Variants in PHF2 observed in about 807,000 individuals in gnomAD.
The protein encoded by PHF2 is lysine-specific demethylase PHF2.
A neutral mutation model predicts 120.5 loss-of-function variants in PHF2; 27 were observed. The observed-to-expected ratio is 0.22, with a 90% CI of 0.17 to 0.31. The LOEUF is 0.31. Ranked by LOEUF, PHF2 falls within the 10% of genes least tolerant of loss-of-function variation. The pLI is 1.00. For missense variants in PHF2, 1,024 were observed against 1,434.8 expected (o/e 0.71, Z 4.63); for synonymous variants, 568 against 592.5 (o/e 0.96, Z 0.60).
chr9:93,633,466 C>T (rs967462373), intron 2 of PHF2, among the ~76,000 whole-genome samples: 7 of 152,202 alleles, frequency 4.6e-5, no homozygotes, highest in East Asian at 1.9e-4. Flanking sequence ...TTCCTCATCC[C>T]GCCCTGCCCT....
chr9:93,626,541 T>A (rs1825918074), intron 1 of PHF2, among the ~76,000 whole-genome samples: 1 of 152,236 alleles, frequency 6.6e-6, no homozygotes. Flanking sequence ...GCCTTCTTAC[T>A]CTGTTGATAG....
intron 20 of PHF2, 100 bp downstream of exon 20, chr9:93,675,889 A>G: frequency 1.3e-6 from 1 of 790,598 alleles, no homozygotes; most frequent in Admixed American, 2.2e-5. Flanking sequence ...CCCCATACAC[A>G]GACCCACTGA....
intron 1 of PHF2, among the ~76,000 whole-genome samples, chr9:93,581,434 A>C (rs1224746315): frequency 6.6e-6 from 1 of 152,188 alleles, no homozygotes; most frequent in Non-Finnish European, 1.5e-5. Context: ...GGCTCTCCTC[A>C]TGGAGATGTT....
At chr9:93,583,960 C>G (rs1862983081) in intron 1 of PHF2, among the ~76,000 whole-genome samples, 1 of 151,880 alleles carries the variant, frequency 6.6e-6, no homozygotes, top group East Asian at 1.9e-4. Flanking sequence ...TCCTGAGTAG[C>G]TGGGATTACA....
chr9:93,660,261 C>G lies in PHF2; in HGVS notation c.1399C>G (p.Arg467Gly), dbSNP rs148936210. The G allele has an allele frequency of 1.9e-6, 3 of 1,608,060 alleles. No individual in the cohort carries two copies. The highest frequency in any genetic ancestry group is 2.7e-5 in the African/African-American group (2 of 74,404). ...GTCAGATGAGGTGTGTGACGGGGACCGGGAGAAGGAGGAGCCCCCGTCTCC... is the reference window on the plus strand; with the variant it reads ...GTCAGATGAGGTGTGTGACGGGGACGGGGAGAAGGAGGAGCCCCCGTCTCC... ...ASSDEVCDGD[R>G]EKEEPPSPIE... Residue 467 changes from arginine (R) to glycine (G), a missense_variant, in exon 12 of 22, where the codon CGG (arginine) becomes GGG (glycine). Physicochemically the swap from Arg to Gly is moderately radical, Grantham distance 125. Around this residue, in one of 2 missense-constraint regions of PHF2, gnomAD observed 677 missense variants for 857.4 expected, o/e 0.79. Coordinates refer to ENST00000359246, the MANE Select transcript of PHF2 (RefSeq NM_005392.4).
At chr9:93,670,845 C>A (rs1278906302) in intron 17 of PHF2, among the ~76,000 whole-genome samples, 2 of 152,048 alleles carry the variant, frequency 1.3e-5, no homozygotes, top group East Asian at 1.9e-4. Context: ...GATGCGGATG[C>A]GAGACAGGCT....
rs144518973 is a variant in PHF2, at chr9:93,633,550, C to T, written c.185-2861C>T. ...TCACAGGGGCGCTGTCCTCATGCTC[C>T]GCATGTGGCTCTGGGATAGGGCGCC... On this transcript the variant is annotated intron_variant, in intron 2 of 21. Coordinates refer to ENST00000359246, the MANE Select transcript of PHF2 (RefSeq NM_005392.4). Among the ~76,000 whole-genome samples the T allele has an allele frequency of 1.9e-4, 29 of 152,340 alleles. No individual in the cohort carries two copies. In the East Asian group the frequency reaches 3.3e-3, roughly 17 times the overall value.
intron 1 of PHF2, among the ~76,000 whole-genome samples, chr9:93,614,890 ATGG>A (rs1564381633): frequency 2.9e-5 from 4 of 138,498 alleles, no homozygotes; most frequent in Non-Finnish European, 4.8e-5. Flanking sequence ...GGTGATGGTG[ATGG>A]TAATGATGGT....
chr9:93,618,390 C>T (rs577201491), intron 1 of PHF2, among the ~76,000 whole-genome samples: 7 of 152,382 alleles, frequency 4.6e-5, no homozygotes, highest in East Asian at 3.9e-4. Context: ...GACACGCATA[C>T]GCATGCATAC....
At position 93,663,029 on chromosome 9, in the gene PHF2, G is replaced by T; in HGVS notation, c.1818+3G>T. The T allele has an allele frequency of 6.2e-7, 1 of 1,614,070 alleles. No individual in the cohort carries two copies. The highest frequency in any genetic ancestry group is 1.1e-5 in the South Asian group (1 of 91,046). On this transcript the variant is annotated splice_donor_region_variant and intron_variant, in intron 13 of 21. Coordinates refer to ENST00000359246, the MANE Select transcript of PHF2 (RefSeq NM_005392.4). Reference sequence around the variant, plus strand: ...CAGAGGCCAAGTGGAAGTACAAGGTGAGAAGTGCACATATGCATGCACACG... The same window carrying T: ...CAGAGGCCAAGTGGAAGTACAAGGTTAGAAGTGCACATATGCATGCACACG...
At chr9:93,641,780 T>G (rs994689743) in intron 3 of PHF2, among the ~76,000 whole-genome samples, 35 of 152,252 alleles carry the variant, frequency 2.3e-4, no homozygotes, top group African/African-American at 8.0e-4. Flanking sequence ...AGTTTTTAAT[T>G]TTAGTGAAGT....
At chr9:93,593,079 T>G (rs13292192) in intron 1 of PHF2, among the ~76,000 whole-genome samples, 1 of 77,850 alleles carries the variant, frequency 1.3e-5, no homozygotes, top group African/African-American at 6.1e-5. Flanking sequence ...TCTTGTCCTT[T>G]ATGCCAAAAA....
chr9:93,594,544 G>C (rs1056748012), intron 1 of PHF2, among the ~76,000 whole-genome samples: 9 of 152,212 alleles, frequency 5.9e-5, no homozygotes, highest in Non-Finnish European at 1.2e-4. Flanking sequence ...CTGCAAGTGG[G>C]GATCCCAGCT....
chr9:93,649,984 A>T (rs867859215), intron 5 of PHF2, among the ~76,000 whole-genome samples: 3 of 151,794 alleles, frequency 2.0e-5, no homozygotes, highest in African/African-American at 7.2e-5. Context: ...CACACTCAGT[A>T]CTCACCAACA....
intron 17 of PHF2, among the ~76,000 whole-genome samples, chr9:93,671,527 T>G (rs1587721463): frequency 9.1e-6 from 1 of 110,342 alleles, no homozygotes; most frequent in African/African-American, 3.8e-5. Flanking sequence ...TGGATGTAGG[T>G]ACAGGTGTAG....
chr9:93,604,334 T>G (rs1303858039), intron 1 of PHF2, among the ~76,000 whole-genome samples: 1 of 149,450 alleles, frequency 6.7e-6, no homozygotes, highest in Non-Finnish European at 1.5e-5. Flanking sequence ...TTAGCGAGAC[T>G]TCTTTTTTTT....
At chr9:93,675,277 T>A (rs917751136) in intron 19 of PHF2, among the ~76,000 whole-genome samples, 1 of 152,228 alleles carries the variant, frequency 6.6e-6, no homozygotes, top group African/African-American at 2.4e-5. Context: ...CCCTCACTCC[T>A]CTGGCTGGCT....
intron 5 of PHF2, among the ~76,000 whole-genome samples, chr9:93,652,365 G>A (rs1227650935): frequency 1.4e-5 from 2 of 146,976 alleles, no homozygotes; most frequent in African/African-American, 5.2e-5. Context: ...GGTGATTTTG[G>A]CTCACTGTAA....
intron 1 of PHF2, among the ~76,000 whole-genome samples, chr9:93,620,953 T>C (rs1048928906): frequency 1.3e-5 from 2 of 152,364 alleles, no homozygotes; most frequent in East Asian, 1.9e-4. Context: ...TGCTGGAGCT[T>C]GCACAATCGA....
Sources: gnomAD v4.1 joint callset for allele counts (sites outside exome capture counted in the v4.1 genomes callset) on GRCh38, gnomAD v4.1.1 for gene constraint, gnomAD v4.1.1 regional missense constraint, MANE v1.5 for transcripts, NCBI Gene and HGNC (gene_info 2026-07-23, HGNC 2026-07-21) for gene names.